GOLGA4: variants seen among roughly 807,000 people sequenced by gnomAD.
GOLGA4 encodes the protein golgin subfamily A member 4.
Under a neutral mutation model 265.9 loss-of-function variants are expected in GOLGA4, and 169 were observed. The ratio of observed to expected loss-of-function variants is 0.64; its 90% CI spans 0.56 to 0.72. The LOEUF is 0.72. Ranked by LOEUF, GOLGA4 falls within the 30% of genes least tolerant of loss-of-function variation. The pLI, the probability that GOLGA4 is intolerant of heterozygous loss-of-function variation, is 0.00. For synonymous variants in GOLGA4, 923 were observed against 855.8 expected, an observed-to-expected ratio of 1.08 and a Z score of -1.37; for missense variants, 2,482 against 2,483.4, an observed-to-expected ratio of 1.00 and a Z score of 0.01.
chr3:37,345,839 C>T lies in GOLGA4; in HGVS notation c.6473-1354C>T, dbSNP rs142480011. Among the ~76,000 whole-genome samples the T allele has an allele frequency of 7.9e-3, 1,206 of 151,740 alleles. 11 individuals are homozygous for T. Among genetic ancestry groups the T allele is most frequent in the Middle Eastern group, 0.038 (11 of 292 alleles). ...GTGCACACCTGTAATCTCAGCTGCT[C>T]GGTAGGCTGAGGCAGGACAATCACT... On this transcript the variant is annotated intron_variant, in intron 20 of 23. Transcript: ENST00000361924.
At chr3:37,279,405 T>G (rs1046378872) in intron 2 of GOLGA4, among the ~76,000 whole-genome samples, 2 of 152,204 alleles carry the variant, frequency 1.3e-5, no homozygotes, top group African/African-American at 4.8e-5. Flanking sequence ...CCTCTAGCTG[T>G]AAGATGATCT....
At chr3:37,253,761 G>A (rs1033434944) in intron 2 of GOLGA4, among the ~76,000 whole-genome samples, 1 of 151,866 alleles carries the variant, frequency 6.6e-6, no homozygotes, top group East Asian at 1.9e-4. Context: ...GGTGGCTCAC[G>A]CCTGTAATCC....
intron 1 of GOLGA4, 68 bp downstream of exon 1, chr3:37,243,690 G>T: frequency 7.5e-7 from 1 of 1,329,918 alleles, no homozygotes; most frequent in Non-Finnish European, 1.1e-6. Flanking sequence ...GACGAAAGAG[G>T]CGGGGGGAGT....
chr3:37,257,908 T>C (rs1312450733), intron 2 of GOLGA4, among the ~76,000 whole-genome samples: 1 of 127,130 alleles, frequency 7.9e-6, no homozygotes, highest in Non-Finnish European at 1.6e-5. Context: ...TATATATATA[T>C]ATATATGTAT....
intron 5 of GOLGA4, among the ~76,000 whole-genome samples, chr3:37,293,085 A>G (rs1376680954): frequency 2.6e-5 from 4 of 152,204 alleles, no homozygotes; most frequent in Non-Finnish European, 5.9e-5. Context: ...CTTTGAAAAT[A>G]TTGTTTGAGG....
intron 2 of GOLGA4, chr3:37,275,726 A>G: frequency 1.2e-6 from 2 of 1,612,554 alleles, no homozygotes; most frequent in Non-Finnish European, 1.7e-6. Context: ...TGCCAAGAAG[A>G]TGGACAAGAT....
At chr3:37,338,328 T>C (rs2097021296) in intron 19 of GOLGA4, among the ~76,000 whole-genome samples, 2 of 152,234 alleles carry the variant, frequency 1.3e-5, no homozygotes, top group South Asian at 2.1e-4. Flanking sequence ...AAAATCTTGA[T>C]AATTGTTAGA....
chr3:37,312,458 ATTTGT>A (rs2096925661), intron 10 of GOLGA4, among the ~76,000 whole-genome samples: 1 of 151,984 alleles, frequency 6.6e-6, no homozygotes, highest in Admixed American at 6.6e-5. Context: ...TTTCCAACAT[ATTTGT>A]ATCTAAGGAT....
At position 37,328,983 on chromosome 3, in the gene GOLGA4, G is replaced by T. The variant is rs2096981311; in HGVS notation, c.6082G>T (p.Ala2028Ser). The T allele has an allele frequency of 6.4e-6, 10 of 1,557,248 alleles. No individual in the cohort carries two copies. The highest frequency in any genetic ancestry group is 8.8e-6 in the Non-Finnish European group (10 of 1,132,424). The part of the protein sequence containing the change: ...ETINKAQEVE[A>S]ELLESHQEET... ...ATTAGATAAGGCCCAGGAGGTGGAG[G>T]CTGAACTTTTAGAAAGCCATCAAGA... The change falls in exon 16 of 24, where the codon GCT (alanine) becomes TCT (serine). Residue 2028 changes from alanine (A) to serine (S), a missense_variant. This residue lies in a region of GOLGA4 where 942 missense variants were observed against 983.1 expected (regional missense o/e 0.96). Transcript: ENST00000361924.
intron 10 of GOLGA4, among the ~76,000 whole-genome samples, chr3:37,315,004 A>G (rs1559416478): frequency 1.3e-5 from 2 of 152,260 alleles, no homozygotes; most frequent in Non-Finnish European, 2.9e-5. Context: ...TAGTGAGTAT[A>G]TAATAGTGTT....
At chr3:37,245,615 A>G (rs2096717099) in intron 1 of GOLGA4, among the ~76,000 whole-genome samples, 1 of 152,210 alleles carries the variant, frequency 6.6e-6, no homozygotes, top group African/African-American at 2.4e-5. Flanking sequence ...AGAGGTTTTT[A>G]GTAATAATAA....
chr3:37,358,146 G>T (rs765785192), intron 22 of GOLGA4, among the ~76,000 whole-genome samples: 3 of 152,164 alleles, frequency 2.0e-5, no homozygotes, highest in East Asian at 3.8e-4. Flanking sequence ...TGTTGACAGC[G>T]TGCAGCCCAT....
chr3:37,255,280 A>G (rs1031391081), intron 2 of GOLGA4, among the ~76,000 whole-genome samples: 8 of 150,890 alleles, frequency 5.3e-5, no homozygotes, highest in African/African-American at 1.5e-4. Context: ...CCCTGCCTCA[A>G]CCTCCCGAGT....
At chr3:37,353,397 A>G (rs749358191) in intron 21 of GOLGA4, among the ~76,000 whole-genome samples, 19 of 152,244 alleles carry the variant, frequency 1.2e-4, no homozygotes, top group East Asian at 7.7e-4. Context: ...GTGAAGCGCA[A>G]TAGAATGAGG....
chr3:37,364,430 C>T (rs961395711), intron 23 of GOLGA4, among the ~76,000 whole-genome samples: 2 of 151,542 alleles, frequency 1.3e-5, no homozygotes, highest in African/African-American at 4.8e-5. Context: ...TTAGTAGAGA[C>T]CGGGTTTCAC....
chr3:37,258,051 ATATATG>A lies in GOLGA4; in HGVS notation c.162+6571_162+6576del, dbSNP rs527710055. Among the ~76,000 whole-genome samples, 464 of 54,558 alleles carry A rather than the reference ATATATG, an allele frequency of 8.5e-3. 61 individuals carry two copies. The highest frequency in any genetic ancestry group is 0.026 in the African/African-American group (445 of 16,934). 35.8% of individuals were successfully genotyped at this position (54,558 alleles called of 152,430 possible). On this transcript the variant is annotated intron_variant, in intron 2 of 23. Coordinates refer to ENST00000361924, the MANE Select transcript of GOLGA4 (RefSeq NM_002078.5). ...TATATATGTATATATACATACATAT[ATATATG>A]TATGTATATATGTATATATATATGT...
intron 17 of GOLGA4, 80 bp downstream of exon 17, chr3:37,335,246 A>G: frequency 1.4e-6 from 1 of 728,848 alleles, no homozygotes; most frequent in Non-Finnish European, 2.4e-6. Context: ...ACTAACATAC[A>G]TACATATTTA....
intron 1 of GOLGA4, among the ~76,000 whole-genome samples, chr3:37,246,987 G>GACAT (rs1264700846): frequency 2.0e-5 from 3 of 152,166 alleles, no homozygotes; most frequent in African/African-American, 7.2e-5. Context: ...TTTCTGAAGG[G>GACAT]ACATAGCCTT....
intron 16 of GOLGA4, among the ~76,000 whole-genome samples, chr3:37,329,811 A>C (rs1325480981): frequency 2.6e-5 from 4 of 152,140 alleles, no homozygotes; most frequent in Non-Finnish European, 5.9e-5. Context: ...AATACAATAT[A>C]AATTGTTCTT....
Sources: allele counts gnomAD v4.1 joint callset (sites outside exome capture counted in the v4.1 genomes callset), GRCh38; gene constraint gnomAD v4.1.1; regional missense constraint gnomAD v4.1.1; transcripts MANE v1.5; gene names NCBI Gene and HGNC (gene_info 2026-07-23, HGNC 2026-07-21).